The following AMD1 variants were observed in gnomAD, a reference collection of about 807,000 sequenced individuals.
AMD1 encodes S-adenosylmethionine decarboxylase proenzyme.
AMD1 carries 11 observed loss-of-function variants against 40.2 expected under a neutral mutation model. The observed-to-expected ratio is 0.27, with a 90% CI of 0.17 to 0.45. AMD1 has a LOEUF of 0.45. AMD1 is among the 20% of genes least tolerant of loss of function. AMD1 has a pLI of 1.00. For missense variants in AMD1, 257 were observed against 410.2 expected (o/e 0.63, Z 3.23); for synonymous variants, 121 against 130.8 (o/e 0.93, Z 0.51).
chr6:110,827,290 C>CT, the AMD1 span, among the ~76,000 whole-genome samples: 44,773 of 145,594 alleles, frequency 0.31, 7,684 homozygotes, highest in East Asian at 0.66. Flanking sequence ...ATTTTTCTTT[C>CT]TTTTTTTTTT....
chr6:110,892,752 C>T lies in AMD1; in HGVS notation c.633C>T (p.Asp211=). The T allele has an allele frequency of 1.2e-6, 2 of 1,612,250 alleles. No individual in the cohort carries two copies. The highest frequency in any genetic ancestry group is 1.7e-6 in the Non-Finnish European group (2 of 1,179,268). ...CCCCCCAGGAGAGTGGAATTCGTGA[C>T]CTGATACCAGGTTCTGTCATTGATG... The part of the protein sequence containing the change: ...KDVTRESGIR[D]LIPGSVIDAT... The change falls in exon 7 of 9, where the codon GAC becomes GAT. Residue 211 remains aspartate (D), a synonymous_variant. Transcript: ENST00000368885.
At chr6:110,875,263 C>T in intron 1 of AMD1, 48 bp downstream of exon 1, 2 of 1,458,272 alleles carry the variant, frequency 1.4e-6, no homozygotes, top group South Asian at 1.2e-5. Context: ...GGGCTGTCGC[C>T]GCCGCCGAGG....
the AMD1 span, among the ~76,000 whole-genome samples, chr6:110,846,139 T>C: frequency 6.6e-6 from 1 of 152,092 alleles, no homozygotes; most frequent in Non-Finnish European, 1.5e-5. Context: ...CTTGGGAGGC[T>C]GAGGTAGGAG....
chr6:110,875,557 CGTA>C (rs1785055168), intron 1 of AMD1: 1 of 201,386 alleles, frequency 5.0e-6, no homozygotes, highest in African/African-American at 2.3e-5. Context: ...CATTTCCCTC[CGTA>C]GTAGTTGGCG....
At chr6:110,890,393 A>G (rs769318059) in intron 4 of AMD1, 37 bp downstream of exon 4, 3 of 1,440,734 alleles carry the variant, frequency 2.1e-6, no homozygotes, top group African/African-American at 2.9e-5. Flanking sequence ...TTGTCTTCTT[A>G]AAGATAGAAA....
At chr6:110,872,419 T>C (rs1189897407), upstream of AMD1, among the ~76,000 whole-genome samples, 2 of 152,188 alleles carry the variant, frequency 1.3e-5, no homozygotes, top group African/African-American at 2.4e-5. Flanking sequence ...ATGGGAGTCC[T>C]TTAAGTGTTT....
At chr6:110,893,181 T>C in intron 8 of AMD1, 116 bp downstream of exon 8, 1 of 1,000,986 alleles carries the variant, frequency 1.0e-6, no homozygotes, top group South Asian at 1.7e-5. Flanking sequence ...CACTCAGATA[T>C]CCAGAAGTAA....
Position 110,892,842 on chromosome 6 carries a change from A to G in AMD1, c.708+15A>G. 6.2e-7 allele frequency: 1 copy of G among 1,613,600 alleles called. No homozygotes were observed. Among genetic ancestry groups the G allele is most frequent in the Non-Finnish European group, 8.5e-7 (1 of 1,179,742 alleles). ...TGAAATCGGATGTGAGTAGTTATAT[A>G]TTGCTTCAATAATTATTTAAATGTG... On this transcript the variant is annotated intron_variant, in intron 7 of 8. Coordinates refer to ENST00000368885, the MANE Select transcript of AMD1 (RefSeq NM_001634.6).
chr6:110,863,128 G>A, the AMD1 span, among the ~76,000 whole-genome samples: 1 of 151,586 alleles, frequency 6.6e-6, no homozygotes, highest in Non-Finnish European at 1.5e-5. Context: ...TGTATTTTTA[G>A]TAGAGACGGG....
upstream of AMD1, among the ~76,000 whole-genome samples, chr6:110,874,530 C>A (rs112800313): frequency 3.0e-4 from 46 of 152,272 alleles, no homozygotes; most frequent in African/African-American, 1.1e-3. Flanking sequence ...ACTCTGCGTT[C>A]GATCCGAGGT....
At chr6:110,863,162 A>G in the AMD1 span, among the ~76,000 whole-genome samples, 4 of 149,914 alleles carry the variant, frequency 2.7e-5, no homozygotes, top group South Asian at 2.1e-4. Flanking sequence ...AGCCAGGATG[A>G]TCTCGATCTC....
intron 1 of AMD1, among the ~76,000 whole-genome samples, chr6:110,884,959 T>C (rs12198198): frequency 1.3e-5 from 2 of 152,222 alleles, no homozygotes; most frequent in African/African-American, 4.8e-5. Flanking sequence ...ATAAGCTCTT[T>C]AAAAATCTGA....
upstream of AMD1, among the ~76,000 whole-genome samples, chr6:110,870,962 G>C (rs1428849917): frequency 6.6e-6 from 1 of 152,148 alleles, no homozygotes; most frequent in Non-Finnish European, 1.5e-5. Context: ...TGACTTCTCA[G>C]AAGAGGCAAC....
chr6:110,887,414 G>A (rs575485949), intron 1 of AMD1, 91 bp from the exon 2 acceptor site: 1 of 792,050 alleles, frequency 1.3e-6, no homozygotes, highest in African/African-American at 1.8e-5. Context: ...TTAAAAATGT[G>A]GTCTTCATGA....
At chr6:110,859,322 G>T in the AMD1 span, among the ~76,000 whole-genome samples, 1 of 151,920 alleles carries the variant, frequency 6.6e-6, no homozygotes, top group Admixed American at 6.6e-5. Flanking sequence ...TCCTTCGCAG[G>T]ACTGAGCCAC....
chr6:110,848,710 A>G, the AMD1 span: 4 of 317,802 alleles, frequency 1.3e-5, no homozygotes, highest in Non-Finnish European at 2.4e-5. Flanking sequence ...GAGTATTGAT[A>G]GCCATAAAGG....
the AMD1 span, chr6:110,814,822 G>T: frequency 1.3e-6 from 1 of 775,272 alleles, no homozygotes; most frequent in Non-Finnish European, 2.1e-6. Flanking sequence ...CGAGGTACGC[G>T]ACGGGGCCGC....
rs1386296352 is a variant in AMD1, at chr6:110,890,250, A to G, written c.325-4A>G. 1.3e-6 allele frequency: 2 copies of G among 1,546,622 alleles called. No homozygotes were observed. The highest frequency in any genetic ancestry group is 1.7e-6 in the Non-Finnish European group (2 of 1,151,042). On this transcript the variant is annotated splice_region_variant and splice_polypyrimidine_tract_variant and intron_variant, in intron 3 of 8. Coordinates refer to ENST00000368885, the MANE Select transcript of AMD1 (RefSeq NM_001634.6). ...TTTTTTCTTTCTTTTCTTTTTTAAT[A>G]AAGAGCTTCTTTTATTCTCGTAAGA...
chr6:110,886,622 A>G (rs2115299283), intron 1 of AMD1, among the ~76,000 whole-genome samples: 1 of 152,296 alleles, frequency 6.6e-6, no homozygotes, highest in East Asian at 1.9e-4. Context: ...TATTTCTGGC[A>G]AACAGCTGGG....
Sources: allele counts gnomAD v4.1 joint callset (sites outside exome capture counted in the v4.1 genomes callset), GRCh38; gene constraint gnomAD v4.1.1; transcripts MANE v1.5; gene names NCBI Gene and HGNC (gene_info 2026-07-23, HGNC 2026-07-21).